COP1: variants seen among roughly 807,000 people sequenced by gnomAD.
COP1 encodes the protein E3 ubiquitin-protein ligase COP1.
A neutral mutation model predicts 101.3 loss-of-function variants in COP1; 24 were observed. The ratio of observed to expected loss-of-function variants is 0.24; its 90% CI spans 0.17 to 0.33. COP1 has a LOEUF of 0.33. Ranked by LOEUF, COP1 falls within the 10% of genes least tolerant of loss-of-function variation. COP1 has a pLI of 1.00. For missense variants in COP1, 663 were observed against 906.2 expected, an observed-to-expected ratio of 0.73 and a Z score of 3.45; for synonymous variants, 347 against 341.9, an observed-to-expected ratio of 1.01 and a Z score of -0.17.
chr1:176,145,146 C>G (rs1204301929), intron 6 of COP1, among the ~76,000 whole-genome samples: 1 of 151,984 alleles, frequency 6.6e-6, no homozygotes, highest in Non-Finnish European at 1.5e-5. Flanking sequence ...ATATAAATAT[C>G]AAACCATTAA....
chr1:176,163,220 C>A (rs142731221), intron 4 of COP1, among the ~76,000 whole-genome samples: 19 of 152,122 alleles, frequency 1.2e-4, no homozygotes, highest in Admixed American at 1.2e-3. Context: ...ATAAAAGGTG[C>A]CTTTGAGACT....
intron 3 of COP1, among the ~76,000 whole-genome samples, chr1:176,171,191 G>C (rs10442614): frequency 6.8e-6 from 1 of 148,040 alleles, no homozygotes; most frequent in Non-Finnish European, 1.5e-5. Context: ...ATTTACTATA[G>C]CCACCTTCAA....
At chr1:176,067,708 C>A (rs570235814) in intron 11 of COP1, among the ~76,000 whole-genome samples, 12 of 152,328 alleles carry the variant, frequency 7.9e-5, no homozygotes, top group African/African-American at 2.9e-4. Context: ...TACACCAAGA[C>A]AAGAACCCCA....
intron 11 of COP1, among the ~76,000 whole-genome samples, chr1:176,063,599 GAGAAGAGA>G (rs1675369644): frequency 6.6e-6 from 1 of 152,168 alleles, no homozygotes; most frequent in South Asian, 2.1e-4. Context: ...TGTGGATGGG[GAGAAGAGA>G]AGAAGAGGAG....
chr1:176,040,263 C>T (rs1670284565), intron 14 of COP1, among the ~76,000 whole-genome samples: 1 of 151,744 alleles, frequency 6.6e-6, no homozygotes, highest in Non-Finnish European at 1.5e-5. Flanking sequence ...CTCTTTTTCT[C>T]ACCTCCCTTC....
chr1:176,024,014 T>C (rs1044302112), intron 15 of COP1, among the ~76,000 whole-genome samples: 4 of 152,020 alleles, frequency 2.6e-5, no homozygotes, highest in East Asian at 1.9e-4. Context: ...TCCAAGCACT[T>C]TGGGAGGCCG....
At chr1:176,104,444 T>C (rs1429453562) in intron 9 of COP1, among the ~76,000 whole-genome samples, 2 of 152,080 alleles carry the variant, frequency 1.3e-5, no homozygotes, top group Non-Finnish European at 2.9e-5. Flanking sequence ...GTCTTATAAA[T>C]TGAACCCAAA....
chr1:176,072,519 C>G (rs1224702331), intron 11 of COP1, among the ~76,000 whole-genome samples: 1 of 152,192 alleles, frequency 6.6e-6, no homozygotes, highest in Non-Finnish European at 1.5e-5. Flanking sequence ...CAACCAACCC[C>G]AGATGGTCAA....
At chr1:176,012,053 T>C (rs1485945579) in intron 15 of COP1, among the ~76,000 whole-genome samples, 3 of 152,130 alleles carry the variant, frequency 2.0e-5, no homozygotes, top group Non-Finnish European at 4.4e-5. Context: ...GGCACAGTGG[T>C]GTGTGCTTGT....
At chr1:176,115,564 T>C (rs553270952) in intron 9 of COP1, among the ~76,000 whole-genome samples, 21 of 151,972 alleles carry the variant, frequency 1.4e-4, no homozygotes, top group African/African-American at 4.8e-4. Flanking sequence ...CTGGCTAACA[T>C]GGTGAAACCC....
At chr1:176,157,755 T>C (rs1159426743) in intron 5 of COP1, among the ~76,000 whole-genome samples, 1 of 152,108 alleles carries the variant, frequency 6.6e-6, no homozygotes, top group African/African-American at 2.4e-5. Context: ...ATTTCTGGCA[T>C]CTAATTAAGA....
chr1:176,073,035 G>A (rs189644190), intron 11 of COP1, among the ~76,000 whole-genome samples: 2 of 152,060 alleles, frequency 1.3e-5, no homozygotes, highest in African/African-American at 2.4e-5. Context: ...ATTCAGGTAC[G>A]CCTGTATCCA....
At chr1:175,977,035 T>TTGTGAGTCATGGCATTAC (rs61614929) in intron 18 of COP1, among the ~76,000 whole-genome samples, 42,626 of 152,066 alleles carry the variant, frequency 0.28, 6,759 homozygotes, top group East Asian at 0.49. Context: ...AAAGATATGT[T>TTGTGAGTCATGGCATTAC]TGGTGAGTCA....
In COP1 at chr1:176,136,182, T is replaced by C. The variant is rs187780043; in HGVS notation, c.891+306A>G. Reference sequence around the variant, plus strand: ...AAAGTTATTAATAAAAAAAGCATTGTAGTGGTAATAATTGACAGTTTTAAG... The same window carrying C: ...AAAGTTATTAATAAAAAAAGCATTGCAGTGGTAATAATTGACAGTTTTAAG... On this transcript the variant is annotated intron_variant, in intron 7 of 19. Transcript: ENST00000367669. 7.7e-3 allele frequency among the ~76,000 whole-genome samples: 1,176 copies of C among 152,164 alleles called. 7 individuals are homozygous for C. The highest frequency in any genetic ancestry group is 0.031 in the South Asian group (152 of 4,826).
At chr1:176,147,544 T>C (rs1172253087) in intron 6 of COP1, among the ~76,000 whole-genome samples, 4 of 152,190 alleles carry the variant, frequency 2.6e-5, no homozygotes, top group Non-Finnish European at 5.9e-5. Context: ...AACTAGTATG[T>C]TTCTTGGTTA....
intron 6 of COP1, among the ~76,000 whole-genome samples, chr1:176,137,182 T>C (rs1430538849): frequency 8.5e-5 from 13 of 152,202 alleles, no homozygotes; most frequent in Admixed American, 8.5e-4. Flanking sequence ...ATTTTATCTT[T>C]TATATCTCGC....
chr1:176,076,002 T>C (rs1175523206), intron 11 of COP1, among the ~76,000 whole-genome samples: 8 of 6,362 alleles, frequency 1.3e-3, no homozygotes, highest in Non-Finnish European at 1.9e-3. Context: ...AAACTCCATC[T>C]CAAAAAAAAA....
intron 7 of COP1, among the ~76,000 whole-genome samples, chr1:176,135,649 T>C (rs973966265): frequency 2.6e-5 from 4 of 152,170 alleles, no homozygotes; most frequent in African/African-American, 7.2e-5. Flanking sequence ...TCCAGAGGAA[T>C]AGGCCTAATC....
Position 176,152,046 on chromosome 1 carries a change from T to C in COP1, c.763-2972A>G, listed in dbSNP as rs1023529713. The stretch of plus-strand genomic sequence containing the variant: ...ATTGTTGGCTGCAAAATCCTAGCAC[T>C]GCGGGAAGCCAAGGCAGGCAGATTG... On this transcript the variant is annotated intron_variant, in intron 5 of 19. Transcript: ENST00000367669. Among the ~76,000 whole-genome samples the C allele has an allele frequency of 5.9e-5, 9 of 151,924 alleles. No individual in the cohort carries two copies. In the South Asian group the frequency reaches 1.9e-3, roughly 32 times the overall value.
Sources: gnomAD v4.1 joint callset for allele counts (sites outside exome capture counted in the v4.1 genomes callset) on GRCh38, gnomAD v4.1.1 for gene constraint, MANE v1.5 for transcripts, NCBI Gene and HGNC (gene_info 2026-07-23, HGNC 2026-07-21) for gene names.